The following ITGB8 variants were observed in gnomAD, a reference collection of about 807,000 sequenced individuals.
The protein encoded by ITGB8 is integrin beta-8.
In ITGB8, 30 loss-of-function variants were observed where a neutral mutation model predicts 89.5. The ratio of observed to expected loss-of-function variants is 0.34; its 90% CI spans 0.25 to 0.45. ITGB8 has a LOEUF of 0.45. Ranked by LOEUF, ITGB8 falls within the 20% of genes least tolerant of loss-of-function variation. The pLI, the probability that ITGB8 is intolerant of heterozygous loss-of-function variation, is 1.00. For synonymous variants in ITGB8, 335 were observed against 320.4 expected, an observed-to-expected ratio of 1.05 and a Z score of -0.49; for missense variants, 836 against 933.3, an observed-to-expected ratio of 0.90 and a Z score of 1.36.
intron 6 of ITGB8, among the ~76,000 whole-genome samples, chr7:20,391,132 T>G (rs1164683826): frequency 6.6e-6 from 1 of 152,122 alleles, no homozygotes; most frequent in Non-Finnish European, 1.5e-5. Flanking sequence ...AGTGTTAATC[T>G]AAAGAGGTGC....
Position 20,331,382 on chromosome 7 carries a change from G to T in ITGB8, c.-425G>T. On this transcript the variant is annotated 5_prime_UTR_variant, in exon 1 of 14. Coordinates refer to ENST00000222573, the MANE Select transcript of ITGB8 (RefSeq NM_002214.3). Reference sequence around the variant, plus strand: ...GTACATTAGGGTGGTTTCCCCCCCAGCTTCGGGCTTTGTTTGGGTTTGATT... The same window carrying T: ...GTACATTAGGGTGGTTTCCCCCCCATCTTCGGGCTTTGTTTGGGTTTGATT... 1 of 398,118 alleles carries T rather than the reference G, an allele frequency of 2.5e-6. No homozygotes were observed. The highest frequency in any genetic ancestry group is 4.4e-6 in the Non-Finnish European group (1 of 226,622). The allele number at this position is 398,118 out of a possible 1,614,324, so 24.7% of individuals were successfully genotyped here.
At chr7:20,360,973 G>T (rs1583489688) in intron 1 of ITGB8, among the ~76,000 whole-genome samples, 2 of 89,622 alleles carry the variant, frequency 2.2e-5, no homozygotes, top group African/African-American at 4.2e-5. Flanking sequence ...ATAATCACTT[G>T]GAAAAAACGT....
At chr7:20,383,977 C>A (rs867701433) in intron 6 of ITGB8, among the ~76,000 whole-genome samples, 1 of 152,108 alleles carries the variant, frequency 6.6e-6, no homozygotes. Flanking sequence ...CCTAAAAATT[C>A]TCATTCCCTT....
At chr7:20,402,221 A>G in intron 10 of ITGB8, 95 bp downstream of exon 10, 1 of 1,090,728 alleles carries the variant, frequency 9.2e-7, no homozygotes. Flanking sequence ...TAAATTAGCA[A>G]AACTGAATCT....
chr7:20,359,254 C>T (rs368609890), intron 1 of ITGB8, among the ~76,000 whole-genome samples: 3 of 152,270 alleles, frequency 2.0e-5, no homozygotes, highest in East Asian at 1.9e-4. Context: ...AGGATCTGTG[C>T]TTTAGCACAT....
intron 1 of ITGB8, among the ~76,000 whole-genome samples, chr7:20,353,704 C>T (rs996492932): frequency 4.8e-5 from 7 of 146,920 alleles, no homozygotes; most frequent in African/African-American, 8.2e-5. Flanking sequence ...GAGGCCGAGG[C>T]GGGCGGATCA....
chr7:20,403,987 C>T (rs983293564), intron 10 of ITGB8, among the ~76,000 whole-genome samples: 1 of 152,204 alleles, frequency 6.6e-6, no homozygotes, highest in Non-Finnish European at 1.5e-5. Flanking sequence ...TCCCCCACCA[C>T]ACACACCATC....
chr7:20,399,906 ACTCTT>A (rs533514411), intron 9 of ITGB8, among the ~76,000 whole-genome samples: 8 of 151,424 alleles, frequency 5.3e-5, no homozygotes, highest in East Asian at 1.9e-4. Flanking sequence ...AATAAAAGAG[ACTCTT>A]CTCTTTAGTT....
chr7:20,397,123 G>A, intron 8 of ITGB8, among the ~76,000 whole-genome samples: 1 of 152,012 alleles, frequency 6.6e-6, no homozygotes, highest in East Asian at 1.9e-4. Flanking sequence ...TTATGTCTGG[G>A]GTTGGATTTC....
chr7:20,412,617 C>A lies in ITGB8; in HGVS notation c.*2620C>A, dbSNP rs2127990465. The A allele has an allele frequency of 6.5e-6, 1 of 152,696 alleles. No individual in the cohort carries two copies. The highest frequency in any genetic ancestry group is 1.9e-4 in the East Asian group (1 of 5,190). The allele number at this position is 152,696 out of a possible 1,614,324, so 9.5% of individuals were successfully genotyped here. A position where few individuals can be genotyped will look rare whatever the true frequency, so the allele number is the denominator to read the frequency against. On this transcript the variant is annotated 3_prime_UTR_variant, in exon 14 of 14. Coordinates refer to ENST00000222573, the MANE Select transcript of ITGB8 (RefSeq NM_002214.3). ...GGCTGTTACCATAGGAAGGGACAAA[C>A]TTCCTTGTAGGCAACTCAGTGTTAG...
At chr7:20,388,910 TA>T (rs1293267618) in intron 6 of ITGB8, among the ~76,000 whole-genome samples, 1 of 152,172 alleles carries the variant, frequency 6.6e-6, no homozygotes, top group Non-Finnish European at 1.5e-5. Flanking sequence ...TTTCCTTTGT[TA>T]GTTTGCTGAG....
intron 1 of ITGB8, among the ~76,000 whole-genome samples, chr7:20,350,849 T>TC: frequency 6.6e-6 from 1 of 152,280 alleles, no homozygotes; most frequent in Admixed American, 6.5e-5. Flanking sequence ...CTCAGAGCTG[T>TC]CCCCTGGCAA....
intron 8 of ITGB8, among the ~76,000 whole-genome samples, chr7:20,397,759 A>G (rs1483375045): frequency 1.3e-5 from 2 of 152,188 alleles, no homozygotes; most frequent in Non-Finnish European, 1.5e-5. Context: ...ATTAGAGGAA[A>G]GTCTCTTGTT....
intron 6 of ITGB8, among the ~76,000 whole-genome samples, chr7:20,386,408 T>TG (rs1394111797): frequency 1.4e-5 from 2 of 140,688 alleles, no homozygotes; most frequent in Non-Finnish European, 3.1e-5. Context: ...CTGGCTAATT[T>TG]TTTTTTTTTT....
At chr7:20,357,421 A>T (rs1172947648) in intron 1 of ITGB8, among the ~76,000 whole-genome samples, 1 of 152,202 alleles carries the variant, frequency 6.6e-6, no homozygotes, top group African/African-American at 2.4e-5. Context: ...AAGTTTGAGG[A>T]CACATAACAT....
At chr7:20,386,943 T>C (rs922257155) in intron 6 of ITGB8, among the ~76,000 whole-genome samples, 6 of 152,168 alleles carry the variant, frequency 3.9e-5, no homozygotes, top group Admixed American at 6.5e-5. Flanking sequence ...AAATAGGGTA[T>C]CGTGATTACA....
Position 20,413,028 on chromosome 7 carries a change from T to A in ITGB8, c.*3031T>A, listed in dbSNP as rs912671978. ...TATGTAATGATTTATAAATGTGCCA[T>A]ACATACACTACAACATAACATTTGC... On this transcript the variant is annotated 3_prime_UTR_variant, in exon 14 of 14. Transcript: ENST00000222573. 4 of 152,268 alleles carry A rather than the reference T, an allele frequency of 2.6e-5. No homozygotes were observed. Among genetic ancestry groups the A allele is most frequent in the Non-Finnish European group, 4.4e-5 (3 of 67,996 alleles). The allele number at this position is 152,268 out of a possible 1,614,324, so 9.4% of individuals were successfully genotyped here. A position where few individuals can be genotyped will look rare whatever the true frequency, so the allele number is the denominator to read the frequency against.
chr7:20,366,767 C>A (rs112065931), intron 2 of ITGB8: 6,141 of 381,904 alleles, frequency 0.016, 368 homozygotes, highest in African/African-American at 0.12. Context: ...CTGTCTCCGA[C>A]ACAGAAAAAA....
chr7:20,332,940 T>TA (rs1784457613), intron 1 of ITGB8, among the ~76,000 whole-genome samples: 1 of 151,420 alleles, frequency 6.6e-6, no homozygotes, highest in Admixed American at 6.6e-5. Flanking sequence ...TTTTTTTTTT[T>TA]AATTTCACTT....
Sources: allele counts gnomAD v4.1 joint callset (sites outside exome capture counted in the v4.1 genomes callset), GRCh38; gene constraint gnomAD v4.1.1; transcripts MANE v1.5; gene names NCBI Gene and HGNC (gene_info 2026-07-23, HGNC 2026-07-21).